EDIL3: variants seen among roughly 807,000 people sequenced by gnomAD.
EDIL3 encodes EGF like and discoidin domains 3.
Under a neutral mutation model 67.4 loss-of-function variants are expected in EDIL3, and 37 were observed. The observed-to-expected ratio is 0.55, with a 90% CI of 0.42 to 0.72. The LOEUF (loss-of-function observed/expected upper bound fraction) is 0.72, where lower values mean the gene tolerates loss of function less well. EDIL3 is among the 30% of genes least tolerant of loss of function. The probability of loss-of-function intolerance (pLI) is 0.00; values close to 1 mark genes in which losing one functional copy is unlikely to be tolerated. For missense variants in EDIL3, 527 were observed against 586.3 expected (o/e 0.90, Z 1.04); for synonymous variants, 195 against 196.3 (o/e 0.99, Z 0.05).
At chr5:84,322,021 T>C (rs1746658021) in intron 1 of EDIL3, among the ~76,000 whole-genome samples, 1 of 151,838 alleles carries the variant, frequency 6.6e-6, no homozygotes, top group African/African-American at 2.4e-5. Context: ...TTTGAAGTAA[T>C]TCTCGTTATA....
intron 3 of EDIL3, among the ~76,000 whole-genome samples, chr5:84,195,799 A>G (rs1277146842): frequency 2.6e-5 from 4 of 151,976 alleles, no homozygotes; most frequent in Non-Finnish European, 4.4e-5. Context: ...TTGATGTAAT[A>G]TTTTTCTAGA....
chr5:84,272,086 G>A (rs889640335), intron 1 of EDIL3, among the ~76,000 whole-genome samples: 20 of 152,212 alleles, frequency 1.3e-4, no homozygotes, highest in Middle Eastern at 3.4e-3. Context: ...CAATAACAAC[G>A]CTCACACTTA....
intron 4 of EDIL3, among the ~76,000 whole-genome samples, chr5:84,160,341 T>C (rs1309381944): frequency 6.6e-6 from 1 of 152,132 alleles, no homozygotes; most frequent in Non-Finnish European, 1.5e-5. Flanking sequence ...ACTCTATAAG[T>C]AGTGTCTAGG....
intron 5 of EDIL3, among the ~76,000 whole-genome samples, chr5:84,118,483 A>T (rs1191855574): frequency 6.6e-6 from 1 of 152,204 alleles, no homozygotes; most frequent in Admixed American, 6.5e-5. Context: ...GTGGTAACTT[A>T]TAATATACAT....
chr5:84,061,595 T>C (rs921758769), intron 8 of EDIL3, among the ~76,000 whole-genome samples: 1 of 152,154 alleles, frequency 6.6e-6, no homozygotes, highest in Non-Finnish European at 1.5e-5. Flanking sequence ...TTCCCAGCTG[T>C]GTAGCCTTGC....
At chr5:84,110,716 G>C (rs1747547491) in intron 5 of EDIL3, among the ~76,000 whole-genome samples, 1 of 152,180 alleles carries the variant, frequency 6.6e-6, no homozygotes, top group Non-Finnish European at 1.5e-5. Flanking sequence ...TTAATGTGGA[G>C]AGTTCAGTAA....
intron 1 of EDIL3, among the ~76,000 whole-genome samples, chr5:84,288,751 G>T (rs979996064): frequency 6.6e-6 from 1 of 152,030 alleles, no homozygotes; most frequent in African/African-American, 2.4e-5. Flanking sequence ...AGGTCTTCCT[G>T]ACCCCAAATC....
intron 10 of EDIL3, among the ~76,000 whole-genome samples, chr5:83,960,738 C>T (rs532414535): frequency 6.6e-6 from 1 of 150,666 alleles, no homozygotes; most frequent in Admixed American, 6.6e-5. Flanking sequence ...GCTGATGATT[C>T]AATAAACACG....
chr5:84,334,705 C>G (rs2112169967), intron 1 of EDIL3, among the ~76,000 whole-genome samples: 1 of 152,090 alleles, frequency 6.6e-6, no homozygotes, highest in East Asian at 1.9e-4. Flanking sequence ...TTAATGATGC[C>G]CTCAAAGTCA....
chr5:84,086,147 C>T (rs115320306), intron 6 of EDIL3, among the ~76,000 whole-genome samples: 2,583 of 152,276 alleles, frequency 0.017, 35 homozygotes, highest in Non-Finnish European at 0.026. Context: ...CTGGCTTCAG[C>T]CCCCTTTCCA....
rs1348703680 is a variant in EDIL3 at position 84,072,294 on chromosome 5, T to C, written c.652-5688A>G. ...GATAGATAAAACACAACTAACCCAA[T>C]AGAAATGAGCAAAGGATTTGATTAG... is the stretch of plus-strand genomic sequence containing the variant. On this transcript the variant is annotated intron_variant, in intron 6 of 10. Transcript: ENST00000296591. Among the ~76,000 whole-genome samples, 5 of 151,978 alleles carry C rather than the reference T, an allele frequency of 3.3e-5. No individual in the cohort carries two copies. The East Asian group carries it at 5.8e-4, about 18-fold the overall frequency.
chr5:84,147,637 G>A (rs1284861795), intron 4 of EDIL3, among the ~76,000 whole-genome samples: 3 of 151,714 alleles, frequency 2.0e-5, no homozygotes, highest in South Asian at 2.1e-4. Context: ...TTTAAGATAC[G>A]TTTTTACCAA....
chr5:84,052,957 C>T (rs1746370334), intron 9 of EDIL3, among the ~76,000 whole-genome samples: 1 of 152,144 alleles, frequency 6.6e-6, no homozygotes, highest in Non-Finnish European at 1.5e-5. Context: ...ACCAAGTGGA[C>T]CTAATAGATA....
chr5:84,081,204 C>T lies in EDIL3; in HGVS notation c.652-14598G>A, dbSNP rs2301093. On this transcript the variant is annotated intron_variant, in intron 6 of 10. Coordinates refer to ENST00000296591, the MANE Select transcript of EDIL3 (RefSeq NM_005711.5). ...TTTCCACCTGTTTCTGAAGGGCTTCCACTATATTGTACTCATCTCTCCTCT... is the reference window on the plus strand; with the variant it reads ...TTTCCACCTGTTTCTGAAGGGCTTCTACTATATTGTACTCATCTCTCCTCT... Among the ~76,000 whole-genome samples, 1,011 of 152,230 alleles carry T rather than the reference C, an allele frequency of 6.6e-3. 36 individuals are homozygous for T. The East Asian group carries it at 0.12, about 17-fold the overall frequency.
At chr5:84,021,659 C>T (rs1048596751) in intron 9 of EDIL3, among the ~76,000 whole-genome samples, 1 of 151,890 alleles carries the variant, frequency 6.6e-6, no homozygotes, top group South Asian at 2.1e-4. Context: ...CTGATGAGAA[C>T]GTTGTATATT....
At position 84,028,928 on chromosome 5, in the gene EDIL3, C is replaced by T. The variant is rs184397965; in HGVS notation, c.1137+31372G>A. Among the ~76,000 whole-genome samples, 9 of 152,144 alleles carry T rather than the reference C, an allele frequency of 5.9e-5. No homozygotes were observed. The East Asian group carries it at 1.7e-3, about 30-fold the overall frequency. ...TTGAATCATGGGGGCAAGTCTTTCC[C>T]ATGTTGTTCTCATGACAGTGAATAA... On this transcript the variant is annotated intron_variant, in intron 9 of 10. Transcript: ENST00000296591.
At chr5:84,242,487 GA>G (rs1388971344) in intron 2 of EDIL3, among the ~76,000 whole-genome samples, 1 of 152,092 alleles carries the variant, frequency 6.6e-6, no homozygotes, top group Non-Finnish European at 1.5e-5. Context: ...CAGCATGTAA[GA>G]AACACTGGAA....
chr5:84,161,574 T>C (rs1233888565), intron 4 of EDIL3, among the ~76,000 whole-genome samples: 1 of 152,150 alleles, frequency 6.6e-6, no homozygotes, highest in African/African-American at 2.4e-5. Flanking sequence ...CTGCCATTGT[T>C]TTTCTGATTA....
At chr5:84,188,065 A>G (rs1292301449) in intron 3 of EDIL3, among the ~76,000 whole-genome samples, 2 of 152,056 alleles carry the variant, frequency 1.3e-5, no homozygotes, top group African/African-American at 4.8e-5. Flanking sequence ...GGAAACCTGA[A>G]GATAGAGATT....
Sources: gnomAD v4.1 joint callset for allele counts (sites outside exome capture counted in the v4.1 genomes callset) on GRCh38, gnomAD v4.1.1 for gene constraint, MANE v1.5 for transcripts, NCBI Gene and HGNC (gene_info 2026-07-23, HGNC 2026-07-21) for gene names.